PPP2R2C: variants seen among roughly 807,000 people sequenced by gnomAD.
PPP2R2C encodes the protein protein phosphatase 2, regulatory subunit B, gamma.
In PPP2R2C, 10 loss-of-function variants were observed where a neutral mutation model predicts 45.3. That is an observed-to-expected ratio of 0.22 (90% CI 0.14 to 0.37). The LOEUF (loss-of-function observed/expected upper bound fraction) is 0.37, where lower values mean the gene tolerates loss of function less well. Among genes scored for constraint, PPP2R2C ranks in the 10% least tolerant of loss-of-function variants. The pLI, the probability that PPP2R2C is intolerant of heterozygous loss-of-function variation, is 1.00. For synonymous variants in PPP2R2C, 257 were observed against 245.4 expected (o/e 1.05, Z -0.44); for missense variants, 308 against 619.7 (o/e 0.50, Z 5.34).
chr4:6,470,482 C>A (rs1577207486), intron 1 of PPP2R2C, among the ~76,000 whole-genome samples: 1 of 152,198 alleles, frequency 6.6e-6, no homozygotes, highest in Non-Finnish European at 1.5e-5. Context: ...ACGAGCCCTG[C>A]GCCCCATCCC....
intron 1 of PPP2R2C, among the ~76,000 whole-genome samples, chr4:6,469,308 C>T (rs1721740497): frequency 6.6e-6 from 1 of 152,012 alleles, no homozygotes; most frequent in East Asian, 1.9e-4. Flanking sequence ...CAGGCAACAG[C>T]CATTGCAAAC....
intron 1 of PPP2R2C, chr4:6,420,803 A>G (rs1484002678): frequency 7.0e-6 from 3 of 430,306 alleles, no homozygotes; most frequent in African/African-American, 2.2e-5. Context: ...GACGGCACAG[A>G]TAAGTATTTG....
upstream of PPP2R2C, among the ~76,000 whole-genome samples, chr4:6,477,124 G>A (rs1277704141): frequency 6.6e-6 from 1 of 152,170 alleles, no homozygotes; most frequent in Non-Finnish European, 1.5e-5. Flanking sequence ...GCATGGTGGT[G>A]CATGCTTGTG....
At chr4:6,379,766 G>A (rs903666510) in intron 2 of PPP2R2C, among the ~76,000 whole-genome samples, 2 of 152,092 alleles carry the variant, frequency 1.3e-5, no homozygotes, top group African/African-American at 4.8e-5. Context: ...TCTGCACTCT[G>A]GGCTCCTCCT....
intron 6 of PPP2R2C, among the ~76,000 whole-genome samples, chr4:6,339,405 A>G (rs1279723585): frequency 1.3e-5 from 2 of 152,196 alleles, no homozygotes; most frequent in Admixed American, 1.3e-4. Flanking sequence ...CCTCACTGAC[A>G]TCTTTCTTCC....
chr4:6,399,168 G>A (rs952034080), intron 1 of PPP2R2C, among the ~76,000 whole-genome samples: 1 of 152,138 alleles, frequency 6.6e-6, no homozygotes, highest in Non-Finnish European at 1.5e-5. Flanking sequence ...TAATTATGGG[G>A]GTGATTTCAC....
At chr4:6,369,754 C>T (rs1320379212) in intron 5 of PPP2R2C, among the ~76,000 whole-genome samples, 1 of 152,190 alleles carries the variant, frequency 6.6e-6, no homozygotes, top group African/African-American at 2.4e-5. Flanking sequence ...TGGCGGCCCC[C>T]ACAGCAGCTT....
Position 6,467,526 on chromosome 4 carries a change from G to C in PPP2R2C, c.70+4634C>G, listed in dbSNP as rs539958669. On this transcript the variant is annotated intron_variant, in intron 1 of 8. Coordinates refer to ENST00000382599, the MANE Select transcript of PPP2R2C (RefSeq NM_020416.4). ...AATACCTCCTCAATAGGACTGAGGA[G>C]GGAAAACCAGAAATTGGCAACCTTG... Among the ~76,000 whole-genome samples the C allele has an allele frequency of 7.9e-5, 12 of 152,268 alleles. No individual in the cohort carries two copies. The East Asian group carries it at 2.3e-3, about 29-fold the overall frequency.
intron 1 of PPP2R2C, among the ~76,000 whole-genome samples, chr4:6,555,072 G>A (rs992641987): frequency 5.3e-5 from 8 of 152,144 alleles, no homozygotes; most frequent in Admixed American, 2.6e-4. Context: ...CAGCAGATTC[G>A]ATTCAGTGTC....
In PPP2R2C at chr4:6,503,808, AC is replaced by A. The variant is rs1314254915; in HGVS notation, c.49+31462del. On this transcript the variant is annotated intron_variant, in intron 2 of 9. Coordinates refer to the PPP2R2C transcript ENST00000506140. ...CTACTTGGCAATTAAAAAAAAAAAA[AC>A]AAAAACTGAGAATTCTGCTTCTAGC... is the stretch of plus-strand genomic sequence containing the variant. 5.3e-3 allele frequency among the ~76,000 whole-genome samples: 782 copies of A among 147,056 alleles called. 5 individuals carry two copies. The highest frequency in any genetic ancestry group is 0.018 in the African/African-American group (701 of 38,850).
chr4:6,535,419 C>G, intron 1 of PPP2R2C: 1 of 1,349,852 alleles, frequency 7.4e-7, no homozygotes, highest in Non-Finnish European at 1.0e-6. Flanking sequence ...AATCAAAGAG[C>G]CTTGGTGCAT....
intron 5 of PPP2R2C, among the ~76,000 whole-genome samples, chr4:6,370,701 C>T (rs113827863): frequency 0.012 from 1,769 of 152,270 alleles, 32 homozygotes; most frequent in African/African-American, 0.041. Context: ...CCATCACCCA[C>T]GATGCTCCAG....
At chr4:6,562,046 C>T (rs1725593986) in intron 1 of PPP2R2C, among the ~76,000 whole-genome samples, 1 of 152,166 alleles carries the variant, frequency 6.6e-6, no homozygotes, top group South Asian at 2.1e-4. Flanking sequence ...ACACCTGGGA[C>T]AGAGAAGGCA....
chr4:6,451,743 C>T (rs1225137281), intron 1 of PPP2R2C, among the ~76,000 whole-genome samples: 1 of 152,190 alleles, frequency 6.6e-6, no homozygotes, highest in Non-Finnish European at 1.5e-5. Flanking sequence ...CACCCTCCTC[C>T]TCCCGGCCTC....
At chr4:6,535,745 C>A (rs925410544) in intron 1 of PPP2R2C, among the ~76,000 whole-genome samples, 5 of 152,200 alleles carry the variant, frequency 3.3e-5, no homozygotes, top group Non-Finnish European at 7.3e-5. Context: ...AGGTCACTCC[C>A]GCTTAAAAAC....
At chr4:6,536,352 C>T (rs1168567802) in intron 1 of PPP2R2C, among the ~76,000 whole-genome samples, 3 of 152,104 alleles carry the variant, frequency 2.0e-5, no homozygotes, top group African/African-American at 4.8e-5. Flanking sequence ...TACAAATCAA[C>T]AAGAAGACAA....
At chr4:6,531,989 C>A (rs1283487892) in intron 2 of PPP2R2C, among the ~76,000 whole-genome samples, 1 of 152,204 alleles carries the variant, frequency 6.6e-6, no homozygotes, top group Non-Finnish European at 1.5e-5. Flanking sequence ...AGTATGGATT[C>A]CATTTTCTGG....
rs566088600 is a variant in PPP2R2C, at chr4:6,440,993, T to A, written c.70+31167A>T. Among the ~76,000 whole-genome samples the A allele has an allele frequency of 2.5e-4, 38 of 152,078 alleles. 1 individual carries two copies. Among genetic ancestry groups the A allele is most frequent in the African/African-American group, 8.4e-4 (35 of 41,476 alleles). On this transcript the variant is annotated intron_variant, in intron 1 of 8. Transcript: ENST00000382599. ...ATGGGAGCTCTGGGGACAGTGTAGGTCCCATCTCAAAGTGTCCTGATCAGG... is the reference window on the plus strand; with the variant it reads ...ATGGGAGCTCTGGGGACAGTGTAGGACCCATCTCAAAGTGTCCTGATCAGG...
chr4:6,328,813 G>A lies in PPP2R2C; in HGVS notation c.1052+449C>T, dbSNP rs1424398139. ...CGAGTGGGGTGTCACCAGGAAGAGA[G>A]GGAGACAGTAGTGGTGATGGGAGGA... On this transcript the variant is annotated intron_variant, in intron 8 of 8. Coordinates refer to ENST00000382599, the MANE Select transcript of PPP2R2C (RefSeq NM_020416.4). The surrounding 1 kb of genome is among the most constrained non-coding windows in gnomAD (Gnocchi z 4.4). 6.6e-6 allele frequency among the ~76,000 whole-genome samples: 1 copy of A among 152,214 alleles called. No individual in the cohort carries two copies. The highest frequency in any genetic ancestry group is 2.4e-5 in the African/African-American group (1 of 41,464).
Sources: gnomAD v4.1 joint callset for allele counts (sites outside exome capture counted in the v4.1 genomes callset) on GRCh38, gnomAD v4.1.1 for gene constraint, Gnocchi (gnomAD v3.1) non-coding constraint, MANE v1.5 for transcripts, NCBI Gene and HGNC (gene_info 2026-07-23, HGNC 2026-07-21) for gene names.